EYS: variants seen among roughly 807,000 people sequenced by gnomAD.
The protein encoded by EYS is EGF-like photoreceptor maintenance factor.
EYS carries 250 observed loss-of-function variants against 282.1 expected under a neutral mutation model. The observed-to-expected ratio is 0.89, with a 90% CI of 0.80 to 0.98. The LOEUF (loss-of-function observed/expected upper bound fraction) is 0.98. Among genes scored for constraint, EYS ranks in the 50% least tolerant of loss-of-function variants. EYS has a pLI of 0.00. For synonymous variants in EYS, 1,355 were observed against 1,282.9 expected (o/e 1.06, Z -1.20); for missense variants, 4,016 against 3,709.0 (o/e 1.08, Z -2.15).
intron 2 of EYS, among the ~76,000 whole-genome samples, chr6:65,512,128 T>C (rs750762346): frequency 6.6e-6 from 1 of 152,092 alleles, no homozygotes; most frequent in Non-Finnish European, 1.5e-5. Flanking sequence ...AATTTTTCCC[T>C]AACTTTCCGG....
intron 29 of EYS, among the ~76,000 whole-genome samples, chr6:64,381,144 C>G (rs576600788): frequency 6.6e-6 from 1 of 151,592 alleles, no homozygotes; most frequent in South Asian, 2.1e-4. Flanking sequence ...AAAATGAACA[C>G]GCATGTTCTT....
intron 19 of EYS, among the ~76,000 whole-genome samples, chr6:64,824,068 T>A (rs903955096): frequency 6.6e-6 from 1 of 151,862 alleles, no homozygotes; most frequent in Non-Finnish European, 1.5e-5. Flanking sequence ...ATGACTAGAG[T>A]GAGTTACAGA....
At chr6:64,935,595 C>T (rs1768881360) in intron 15 of EYS, among the ~76,000 whole-genome samples, 1 of 151,086 alleles carries the variant, frequency 6.6e-6, no homozygotes, top group African/African-American at 2.4e-5. Context: ...CAGAGAAGAC[C>T]CAGATTACAA....
chr6:63,747,657 T>C (rs1008457741), intron 41 of EYS, among the ~76,000 whole-genome samples: 1 of 152,182 alleles, frequency 6.6e-6, no homozygotes, highest in African/African-American at 2.4e-5. Flanking sequence ...ATACTTAGGA[T>C]AGTTAGCTCT....
At chr6:63,840,371 T>A (rs1487649922) in intron 36 of EYS, among the ~76,000 whole-genome samples, 3 of 152,062 alleles carry the variant, frequency 2.0e-5, no homozygotes, top group Non-Finnish European at 4.4e-5. Context: ...GCCCCATTTC[T>A]TAATTGGATT....
At chr6:64,335,064 C>G (rs1770789801) in intron 29 of EYS, among the ~76,000 whole-genome samples, 1 of 151,984 alleles carries the variant, frequency 6.6e-6, no homozygotes, top group Admixed American at 6.6e-5. Flanking sequence ...AACTGGTATC[C>G]CAAGATGAGT....
At chr6:64,701,587 C>G (rs1209449263) in intron 22 of EYS, among the ~76,000 whole-genome samples, 1 of 152,022 alleles carries the variant, frequency 6.6e-6, no homozygotes, top group Non-Finnish European at 1.5e-5. Context: ...TTATCTTAAG[C>G]AGAACAACTT....
At chr6:63,845,142 A>G (rs1772065591) in intron 36 of EYS, among the ~76,000 whole-genome samples, 1 of 152,326 alleles carries the variant, frequency 6.6e-6, no homozygotes, top group African/African-American at 2.4e-5. Context: ...ATTTAAAATG[A>G]GTAAGTTTAA....
rs115894427 is a variant in EYS, at chr6:64,267,103, T to C, written c.6192-36279A>G. 2.7e-3 allele frequency among the ~76,000 whole-genome samples: 405 copies of C among 152,308 alleles called. 1 individual carries two copies. Among genetic ancestry groups the C allele is most frequent in the African/African-American group, 9.3e-3 (387 of 41,580 alleles). On this transcript the variant is annotated intron_variant, in intron 30 of 42. Transcript: ENST00000503581. ...ATGTTGTTTTACATATGTAGGACTTTTAATTTTTGAAGAATCTAAAGATAT... is the reference window on the plus strand; with the variant it reads ...ATGTTGTTTTACATATGTAGGACTTCTAATTTTTGAAGAATCTAAAGATAT...
chr6:65,287,030 G>A (rs1582102410), intron 12 of EYS, among the ~76,000 whole-genome samples: 1 of 151,378 alleles, frequency 6.6e-6, no homozygotes, highest in East Asian at 1.9e-4. Context: ...TAATATATTG[G>A]ATTTCCCGCA....
chr6:64,558,260 T>C (rs1361448724), intron 26 of EYS, among the ~76,000 whole-genome samples: 1 of 152,142 alleles, frequency 6.6e-6, no homozygotes, highest in Non-Finnish European at 1.5e-5. Flanking sequence ...AAACCATTTC[T>C]TAAAAATACT....
intron 12 of EYS, among the ~76,000 whole-genome samples, chr6:65,096,141 A>C (rs188222665): frequency 6.6e-6 from 1 of 151,186 alleles, no homozygotes; most frequent in East Asian, 1.9e-4. Context: ...GGCTTTTAAA[A>C]ATTTAGTTTT....
At chr6:64,107,209 G>A (rs866256098) in intron 31 of EYS, among the ~76,000 whole-genome samples, 17 of 144,354 alleles carry the variant, frequency 1.2e-4, no homozygotes, top group Middle Eastern at 6.9e-3. Context: ...AACAGTGTAT[G>A]AGTTGGATTC....
At chr6:65,005,909 T>C (rs11759933) in intron 13 of EYS, among the ~76,000 whole-genome samples, 10,295 of 152,210 alleles carry the variant, frequency 0.068, 441 homozygotes, top group East Asian at 0.13. Flanking sequence ...CCACGACTTT[T>C]TTGAAAGTGT....
intron 13 of EYS, among the ~76,000 whole-genome samples, chr6:65,023,594 A>T (rs60352847): frequency 0.077 from 11,703 of 152,300 alleles, 568 homozygotes; most frequent in African/African-American, 0.14. Context: ...CACAATTTGC[A>T]GTAAGAAAAA....
intron 8 of EYS, among the ~76,000 whole-genome samples, chr6:65,363,654 T>C (rs577069223): frequency 2.0e-5 from 3 of 152,048 alleles, no homozygotes; most frequent in African/African-American, 4.8e-5. Flanking sequence ...ACTTTGATAA[T>C]TGACGATTTA....
rs746094244 is a variant in EYS, at chr6:65,692,638, T to C, written c.-448+14497A>G. 2.7e-5 allele frequency among the ~76,000 whole-genome samples: 4 copies of C among 150,050 alleles called. 1 individual carries two copies. Among genetic ancestry groups the C allele is most frequent in the Non-Finnish European group, 4.4e-5 (3 of 67,614 alleles). ...TTTCCAATTAATCATTTATAAGAAT[T>C]GTTTTCCATAAGGAACTACAAAGGG... On this transcript the variant is annotated intron_variant, in intron 1 of 42. Coordinates refer to ENST00000503581, the MANE Select transcript of EYS (RefSeq NM_001142800.2).
At chr6:64,085,268 G>C (rs530171585) in intron 31 of EYS, among the ~76,000 whole-genome samples, 1 of 151,458 alleles carries the variant, frequency 6.6e-6, no homozygotes, top group African/African-American at 2.4e-5. Flanking sequence ...GAGTCACCCT[G>C]CCCAGCCCTC....
At chr6:64,937,129 C>G (rs1433476148) in intron 15 of EYS, among the ~76,000 whole-genome samples, 1 of 151,366 alleles carries the variant, frequency 6.6e-6, no homozygotes, top group Non-Finnish European at 1.5e-5. Flanking sequence ...CCTCACACCA[C>G]ACACATAAAA....
Sources: allele counts gnomAD v4.1 joint callset (sites outside exome capture counted in the v4.1 genomes callset), GRCh38; gene constraint gnomAD v4.1.1; transcripts MANE v1.5; gene names NCBI Gene and HGNC (gene_info 2026-07-23, HGNC 2026-07-21).